The following HGS variants were observed in gnomAD, a reference collection of about 807,000 sequenced individuals.
HGS encodes human growth factor-regulated tyrosine kinase substrate.
HGS carries 63 observed loss-of-function variants against 109.7 expected under a neutral mutation model. The ratio of observed to expected loss-of-function variants is 0.57; its 90% CI spans 0.47 to 0.71. The LOEUF is 0.71. Among genes scored for constraint, HGS ranks in the 30% least tolerant of loss-of-function variants. The pLI, the probability that HGS is intolerant of heterozygous loss-of-function variation, is 0.00. For synonymous variants in HGS, 546 were observed against 437.3 expected (o/e 1.25, Z -3.10); for missense variants, 995 against 1,068.3 (o/e 0.93, Z 0.96).
In HGS at chr17:81,688,724, C is replaced by T; in HGVS notation, c.312C>T (p.Val104=). 1 of 1,614,046 alleles carries T rather than the reference C, an allele frequency of 6.2e-7. No homozygotes were observed. The highest frequency in any genetic ancestry group is 2.2e-5 in the East Asian group (1 of 44,882). ...DLLKRQVEVN[V]RNKILYLIQA... is the part of the protein sequence containing the mutation. Reference sequence around the variant, plus strand: ...TGCAGAGACAAGTGGAGGTAAACGTCCGTAACAAGATCCTGTACCTGATCC... The same window carrying T: ...TGCAGAGACAAGTGGAGGTAAACGTTCGTAACAAGATCCTGTACCTGATCC... The change falls in exon 5 of 22, where the codon GTC becomes GTT. Residue 104 remains valine (V), a synonymous_variant. Transcript: ENST00000329138.
At chr17:81,696,163 ATGCCCTGCCCTGCCCTGCCC>A (rs58903919) in intron 15 of HGS, 164 bp downstream of exon 15, 73 of 768,864 alleles carry the variant, frequency 9.5e-5, no homozygotes, top group African/African-American at 4.6e-4. Context: ...AGTGATGACC[ATGCCCTGCCCTGCCCTGCCC>A]TGCCCTGCCC....
intron 8 of HGS, among the ~76,000 whole-genome samples, chr17:81,693,175 G>A (rs1298151040): frequency 6.6e-6 from 1 of 152,228 alleles, no homozygotes; most frequent in Non-Finnish European, 1.5e-5. Flanking sequence ...GGTGGGGCCC[G>A]TCCCACAGTG....
chr17:81,686,180 C>G, intron 2 of HGS, 132 bp from the exon 3 acceptor site: 1 of 712,970 alleles, frequency 1.4e-6, no homozygotes. Context: ...ATCCTCCTGC[C>G]TTGGCCTCCC....
At position 81,685,621 on chromosome 17, in the gene HGS, G is replaced by A; in HGVS notation, c.54G>A (p.Gln18=). 6.2e-7 allele frequency: 1 copy of A among 1,610,522 alleles called. No homozygotes were observed. Among genetic ancestry groups the A allele is most frequent in the South Asian group, 1.1e-5 (1 of 90,360 alleles). The change falls in exon 2 of 22, where the codon CAG becomes CAA. Residue 18 remains glutamine (Q), a synonymous_variant. Coordinates refer to ENST00000329138, the MANE Select transcript of HGS (RefSeq NM_004712.5). ...CTCTCTCAGACAAGGCGACCAGCCAGCTCCTGTTGGAGACAGATTGGGAGT... is the reference window on the plus strand; with the variant it reads ...CTCTCTCAGACAAGGCGACCAGCCAACTCCTGTTGGAGACAGATTGGGAGT... ...FERLLDKATS[Q]LLLETDWESI...
chr17:81,684,665 C>T (rs1196915020), intron 1 of HGS, among the ~76,000 whole-genome samples: 1 of 152,174 alleles, frequency 6.6e-6, no homozygotes, highest in African/African-American at 2.4e-5. Context: ...CTGATCCTAT[C>T]TGAGCCTCCT....
chr17:81,688,141 G>GT (rs2037008581), intron 4 of HGS, among the ~76,000 whole-genome samples: 1 of 151,860 alleles, frequency 6.6e-6, no homozygotes, highest in African/African-American at 2.4e-5. Flanking sequence ...ATCGCACGCC[G>GT]TCCTGCACGT....
chr17:81,696,787 G>T, intron 17 of HGS, 37 bp from the exon 18 acceptor site: 9 of 1,602,262 alleles, frequency 5.6e-6, no homozygotes, highest in Non-Finnish European at 7.7e-6. Flanking sequence ...CTTGTGGGCT[G>T]AGGACCAACT....
At position 81,693,973 on chromosome 17, in the gene HGS, G is replaced by A. The variant is rs763447950; in HGVS notation, c.936+8G>A. 4.4e-6 allele frequency: 7 copies of A among 1,601,602 alleles called. No homozygotes were observed. The highest frequency in any genetic ancestry group is 6.0e-6 in the Non-Finnish European group (7 of 1,175,882). ...CTGTACTCTTCACCTGTGGTGAGCG[G>A]CCCTTGGGCTGGAGCTCCCTCTCCT... On this transcript the variant is annotated splice_region_variant and intron_variant, in intron 11 of 21. Coordinates refer to ENST00000329138, the MANE Select transcript of HGS (RefSeq NM_004712.5).
intron 8 of HGS, chr17:81,692,371 T>A (rs1646859313): frequency 6.6e-6 from 1 of 151,924 alleles, no homozygotes; most frequent in Non-Finnish European, 1.5e-5. Context: ...GGTCTGAGGC[T>A]CCCACCTGCT....
At chr17:81,701,409 A>G in intron 21 of HGS, 99 bp from the exon 22 acceptor site, 2 of 1,281,798 alleles carry the variant, frequency 1.6e-6, no homozygotes, top group South Asian at 1.4e-5. Flanking sequence ...GACATGGATT[A>G]CAAGCACTTG....
chr17:81,690,658 T>G lies in HGS; in HGVS notation c.469-16T>G. 1 of 1,609,800 alleles carries G rather than the reference T, an allele frequency of 6.2e-7. No homozygotes were observed. The highest frequency in any genetic ancestry group is 8.5e-7 in the Non-Finnish European group (1 of 1,178,200). On this transcript the variant is annotated splice_polypyrimidine_tract_variant and intron_variant, in intron 6 of 21. Coordinates refer to ENST00000329138, the MANE Select transcript of HGS (RefSeq NM_004712.5). ...GGGGCGGGAAGCGTGTGGTCCTGAC[T>G]GCTGCCCCTCCTCAGGCCCCAGACT...
At chr17:81,698,944 G>A (rs2037193510) in intron 18 of HGS, among the ~76,000 whole-genome samples, 2 of 152,062 alleles carry the variant, frequency 1.3e-5, no homozygotes, top group African/African-American at 4.8e-5. Context: ...GTGCACACCT[G>A]TAATCCCAGC....
At chr17:81,686,916 G>C (rs1165800074) in intron 3 of HGS, 87 bp from the exon 4 acceptor site, 2 of 1,068,778 alleles carry the variant, frequency 1.9e-6, no homozygotes, top group Non-Finnish European at 2.8e-6. Flanking sequence ...GGGCTCTGCT[G>C]TCCCACAGGG....
chr17:81,689,493 C>T (rs1017196732), intron 5 of HGS, among the ~76,000 whole-genome samples: 1 of 152,074 alleles, frequency 6.6e-6, no homozygotes, highest in African/African-American at 2.4e-5. Flanking sequence ...GGAGTCTTGG[C>T]TGGTGCTCAG....
intron 18 of HGS, among the ~76,000 whole-genome samples, chr17:81,699,785 G>A (rs2037205315): frequency 6.6e-6 from 1 of 150,658 alleles, no homozygotes; most frequent in South Asian, 2.2e-4. Flanking sequence ...CAACAAAAAG[G>A]AAAACTCCTG....
At chr17:81,685,574 C>T (rs752941087) in intron 1 of HGS, 31 bp from the exon 2 acceptor site, 8 of 1,564,152 alleles carry the variant, frequency 5.1e-6, no homozygotes, top group Non-Finnish European at 6.1e-6. Context: ...AGCAGGATAA[C>T]CCCTCCCTTT....
chr17:81,689,598 G>C (rs1274020519), intron 5 of HGS, among the ~76,000 whole-genome samples: 1 of 152,184 alleles, frequency 6.6e-6, no homozygotes, highest in African/African-American at 2.4e-5. Flanking sequence ...TGAGAGCGTG[G>C]GGAATGGGGC....
In HGS at chr17:81,684,266, C is replaced by A. The variant is rs776704027; in HGVS notation, c.37+163C>A. ...GGTTCGGAGCCGCCGATCCTGGACC[C>A]TCGGCGCGGCCGTGGGGTCGGCGTC... On this transcript the variant is annotated intron_variant, in intron 1 of 21. Coordinates refer to ENST00000329138, the MANE Select transcript of HGS (RefSeq NM_004712.5). 3 of 558,466 alleles carry A rather than the reference C, an allele frequency of 5.4e-6. No homozygotes were observed. The African/African-American group carries it at 5.9e-5, about 11-fold the overall frequency. 34.6% of individuals were successfully genotyped at this position (558,466 alleles called of 1,614,324 possible). A position where few individuals can be genotyped will look rare whatever the true frequency, so the allele number is the denominator to read the frequency against.
rs2037117887 is a variant in HGS at position 81,694,814 on chromosome 17, G to T, written c.937-1G>T. On this transcript the variant is annotated splice_acceptor_variant, in intron 11 of 21. Coordinates refer to ENST00000329138, the MANE Select transcript of HGS (RefSeq NM_004712.5). LOFTEE classifies it high-confidence loss of function. ...AGACTCAGATGCCCTTTTCTCCCCA[G>T]AACTCGTCGGCGCCTCTGGCTGAGG... is the stretch of plus-strand genomic sequence containing the variant. 6.2e-7 allele frequency: 1 copy of T among 1,614,142 alleles called. No individual in the cohort carries two copies. The highest frequency in any genetic ancestry group is 1.3e-5 in the African/African-American group (1 of 74,954).
Sources: gnomAD v4.1 joint callset for allele counts (sites outside exome capture counted in the v4.1 genomes callset) on GRCh38, gnomAD v4.1.1 for gene constraint, MANE v1.5 for transcripts, NCBI Gene and HGNC (gene_info 2026-07-23, HGNC 2026-07-21) for gene names.